The following PDZRN3 variants were observed in gnomAD, a reference collection of about 807,000 sequenced individuals.
PDZRN3 encodes the protein PDZ domain containing ring finger 3, also known as E3 ubiquitin-protein ligase PDZRN3.
A neutral mutation model predicts 85.7 loss-of-function variants in PDZRN3; 38 were observed. The observed-to-expected ratio is 0.44, with a 90% CI of 0.34 to 0.58. The LOEUF is 0.58. Ranked by LOEUF, PDZRN3 falls within the 20% of genes least tolerant of loss-of-function variation. PDZRN3 has a pLI of 0.01. For synonymous variants in PDZRN3, 759 were observed against 638.0 expected, an observed-to-expected ratio of 1.19 and a Z score of -2.86; for missense variants, 1,629 against 1,506.4, an observed-to-expected ratio of 1.08 and a Z score of -1.35.
intron 3 of PDZRN3, among the ~76,000 whole-genome samples, chr3:73,600,335 A>ACTCT (rs555285407): frequency 0.059 from 2,757 of 46,382 alleles, 56 homozygotes; most frequent in African/African-American, 0.14. Context: ...ACACACACAC[A>ACTCT]CACTCTCTCT....
intron 3 of PDZRN3, among the ~76,000 whole-genome samples, chr3:73,417,984 C>A (rs1247105938): frequency 6.6e-6 from 1 of 152,090 alleles, no homozygotes; most frequent in African/African-American, 2.4e-5. Context: ...GATTTAGAAC[C>A]TATATGAATC....
At chr3:73,390,978 C>G in intron 6 of PDZRN3, 40 bp downstream of exon 6, 1 of 1,342,076 alleles carries the variant, frequency 7.5e-7, no homozygotes, top group Non-Finnish European at 1.1e-6. Context: ...CCCTTTTGGT[C>G]TTGATACGAT....
chr3:73,613,189 C>A (rs1702710187), intron 1 of PDZRN3, among the ~76,000 whole-genome samples: 1 of 152,088 alleles, frequency 6.6e-6, no homozygotes, highest in Non-Finnish European at 1.5e-5. Flanking sequence ...ACCAGGTAGA[C>A]AATTTTTATT....
At chr3:73,601,533 T>G (rs57085640) in intron 3 of PDZRN3, among the ~76,000 whole-genome samples, 1,688 of 152,276 alleles carry the variant, frequency 0.011, 32 homozygotes, top group African/African-American at 0.039. Flanking sequence ...GCCAATCAAT[T>G]TAGCCCATAT....
intron 3 of PDZRN3, among the ~76,000 whole-genome samples, chr3:73,447,174 G>T (rs1486335063): frequency 2.0e-5 from 3 of 150,568 alleles, no homozygotes; most frequent in Non-Finnish European, 4.4e-5. Flanking sequence ...TATTTTCATG[G>T]TGGAGAAACA....
intron 3 of PDZRN3, among the ~76,000 whole-genome samples, chr3:73,463,707 GAC>G (rs1466640164): frequency 2.0e-5 from 3 of 152,098 alleles, no homozygotes; most frequent in Non-Finnish European, 4.4e-5. Flanking sequence ...CTATTATAAA[GAC>G]ACATTCACAT....
intron 5 of PDZRN3, among the ~76,000 whole-genome samples, chr3:73,393,628 G>A (rs1701575512): frequency 6.6e-6 from 1 of 152,100 alleles, no homozygotes; most frequent in Admixed American, 6.5e-5. Flanking sequence ...GGTCCTTGTG[G>A]CTTTTCAGTA....
At chr3:73,622,134 G>A (rs527414584) in intron 1 of PDZRN3, among the ~76,000 whole-genome samples, 40 of 152,150 alleles carry the variant, frequency 2.6e-4, no homozygotes, top group Non-Finnish European at 4.7e-4. Flanking sequence ...ACCAAGCTTT[G>A]CCCTCTGTTT....
intron 1 of PDZRN3, chr3:73,621,677 G>A (rs1441748401): frequency 6.6e-6 from 1 of 152,208 alleles, no homozygotes; most frequent in East Asian, 1.9e-4. Context: ...TCTGAGGCCA[G>A]GGAAACTATC....
intron 5 of PDZRN3, among the ~76,000 whole-genome samples, chr3:73,397,165 C>G (rs997449031): frequency 2.0e-5 from 3 of 152,080 alleles, no homozygotes; most frequent in African/African-American, 7.2e-5. Context: ...TCCCGAGTAG[C>G]TGGGATTACA....
chr3:73,511,872 T>C (rs1704173234), intron 3 of PDZRN3, among the ~76,000 whole-genome samples: 3 of 152,236 alleles, frequency 2.0e-5, no homozygotes, highest in Non-Finnish European at 1.5e-5. Flanking sequence ...TCCAACCGTC[T>C]GGGCGAATAC....
chr3:73,408,850 C>T (rs562340250), intron 3 of PDZRN3, among the ~76,000 whole-genome samples: 5 of 152,124 alleles, frequency 3.3e-5, no homozygotes, highest in African/African-American at 4.8e-5. Context: ...GTCAGCCAAC[C>T]GAGAATGACA....
intron 6 of PDZRN3, among the ~76,000 whole-genome samples, chr3:73,390,608 A>G (rs77439774): frequency 0.019 from 2,921 of 151,362 alleles, 103 homozygotes; most frequent in African/African-American, 0.066. Context: ...GAAGTCAACT[A>G]TATATACTCC....
intron 5 of PDZRN3, among the ~76,000 whole-genome samples, chr3:73,393,918 A>G (rs1290858171): frequency 6.6e-6 from 1 of 152,188 alleles, no homozygotes; most frequent in Non-Finnish European, 1.5e-5. Flanking sequence ...ATCTTTTGTC[A>G]GTATTTTGAT....
intron 3 of PDZRN3, among the ~76,000 whole-genome samples, chr3:73,483,968 T>G (rs1272309759): frequency 6.6e-6 from 1 of 152,120 alleles, no homozygotes; most frequent in Non-Finnish European, 1.5e-5. Context: ...TTAGAAAAAT[T>G]TTAATGCTTG....
chr3:73,447,884 A>G (rs1702782188), intron 3 of PDZRN3, among the ~76,000 whole-genome samples: 1 of 152,164 alleles, frequency 6.6e-6, no homozygotes, highest in Non-Finnish European at 1.5e-5. Context: ...CATAGTATAC[A>G]TTCCTCATCT....
chr3:73,528,160 C>T (rs925592191), intron 3 of PDZRN3, among the ~76,000 whole-genome samples: 7 of 152,154 alleles, frequency 4.6e-5, no homozygotes, highest in African/African-American at 1.7e-4. Context: ...ACGTGGTTGC[C>T]TTGGATCTCT....
chr3:73,451,551 T>C (rs1192084054), intron 3 of PDZRN3, among the ~76,000 whole-genome samples: 2 of 152,148 alleles, frequency 1.3e-5, no homozygotes, highest in African/African-American at 2.4e-5. Flanking sequence ...GGTGCAAAGA[T>C]GTGCCAAACA....
chr3:73,553,575 C>CT (rs1553701972), intron 3 of PDZRN3, among the ~76,000 whole-genome samples: 2 of 102,400 alleles, frequency 2.0e-5, no homozygotes, highest in African/African-American at 6.2e-5. Flanking sequence ...AAGACTCCAT[C>CT]TAAAAAAAAA....
Sources: gnomAD v4.1 joint callset for allele counts (sites outside exome capture counted in the v4.1 genomes callset) on GRCh38, gnomAD v4.1.1 for gene constraint, MANE v1.5 for transcripts, NCBI Gene and HGNC (gene_info 2026-07-23, HGNC 2026-07-21) for gene names.